Variants in CDH18 observed in about 807,000 individuals in gnomAD.
The protein encoded by CDH18 is cadherin 18.
Under a neutral mutation model 67.9 loss-of-function variants are expected in CDH18, and 31 were observed. That is an observed-to-expected ratio of 0.46 (90% confidence interval 0.34 to 0.62). The LOEUF is 0.62. Ranked by LOEUF, CDH18 falls within the 20% of genes least tolerant of loss-of-function variation. The pLI is 0.01. For missense variants in CDH18, 890 were observed against 975.5 expected (o/e 0.91, Z 1.17); for synonymous variants, 362 against 347.2 (o/e 1.04, Z -0.48).
At chr5:19,826,591 A>G (rs1054720520) in intron 3 of CDH18, among the ~76,000 whole-genome samples, 3 of 152,208 alleles carry the variant, frequency 2.0e-5, no homozygotes, top group African/African-American at 7.2e-5. Context: ...CTTAAAGAAA[A>G]GAAAAGAAGT....
At chr5:20,155,930 C>T (rs1262589034) in intron 2 of CDH18, among the ~76,000 whole-genome samples, 1 of 151,938 alleles carries the variant, frequency 6.6e-6, no homozygotes, top group African/African-American at 2.4e-5. Flanking sequence ...TCCATTGACA[C>T]ATATCTATTT....
intron 6 of CDH18, among the ~76,000 whole-genome samples, chr5:19,602,702 G>T (rs1747336164): frequency 6.6e-6 from 1 of 152,058 alleles, no homozygotes; most frequent in Admixed American, 6.6e-5. Flanking sequence ...GGTGGCTCAT[G>T]CCTGTAATCC....
intron 11 of CDH18, among the ~76,000 whole-genome samples, chr5:19,492,836 T>C (rs1417384521): frequency 6.6e-6 from 1 of 152,126 alleles, no homozygotes; most frequent in Non-Finnish European, 1.5e-5. Flanking sequence ...ATACGGAGGA[T>C]TTCTTGGCAC....
chr5:19,977,360 T>C (rs961583389), intron 2 of CDH18, among the ~76,000 whole-genome samples: 3 of 152,132 alleles, frequency 2.0e-5, no homozygotes, highest in African/African-American at 7.2e-5. Flanking sequence ...CTTTGGCTCA[T>C]TTGCACGTTT....
chr5:20,515,307 T>TAA (rs5866433), intron 1 of CDH18, among the ~76,000 whole-genome samples: 17 of 121,178 alleles, frequency 1.4e-4, no homozygotes, highest in East Asian at 4.5e-4. Context: ...AAGAGAGTAA[T>TAA]AAAAAAAAAA....
intron 2 of CDH18, among the ~76,000 whole-genome samples, chr5:20,093,470 T>C (rs1745621645): frequency 6.6e-6 from 1 of 152,236 alleles, no homozygotes; most frequent in South Asian, 2.1e-4. Context: ...GAAGTCACTT[T>C]AATAATAGTT....
intron 1 of CDH18, among the ~76,000 whole-genome samples, chr5:20,529,991 A>G (rs186351663): frequency 6.6e-6 from 1 of 152,126 alleles, no homozygotes; most frequent in African/African-American, 2.4e-5. Flanking sequence ...TAGAAAATCC[A>G]TTGACTCAGG....
At chr5:20,508,570 G>A (rs1263615613) in intron 1 of CDH18, among the ~76,000 whole-genome samples, 1 of 151,280 alleles carries the variant, frequency 6.6e-6, no homozygotes, top group Non-Finnish European at 1.5e-5. Context: ...TTTTAGGTGG[G>A]AAATATTTCA....
At chr5:20,266,571 A>ATTTTTTT (rs34718835) in intron 1 of CDH18, among the ~76,000 whole-genome samples, 70 of 59,176 alleles carry the variant, frequency 1.2e-3, no homozygotes, top group African/African-American at 2.0e-3. Flanking sequence ...GCCCGGCTGA[A>ATTTTTTT]TTTTTTTTTT....
intron 4 of CDH18, among the ~76,000 whole-genome samples, chr5:19,734,903 C>T (rs1768098280): frequency 6.6e-6 from 1 of 152,038 alleles, no homozygotes; most frequent in Admixed American, 6.6e-5. Context: ...AGTTATATTG[C>T]AATAACAAAC....
At chr5:20,325,754 T>C (rs1738511881) in intron 1 of CDH18, among the ~76,000 whole-genome samples, 1 of 152,206 alleles carries the variant, frequency 6.6e-6, no homozygotes, top group African/African-American at 2.4e-5. Context: ...AATCATCCTT[T>C]CCAATGGTTG....
intron 9 of CDH18, among the ~76,000 whole-genome samples, chr5:19,521,894 T>A (rs1746959789): frequency 6.6e-6 from 1 of 152,042 alleles, no homozygotes; most frequent in Admixed American, 6.6e-5. Context: ...AGGAAATATT[T>A]CAAAATTTTT....
intron 2 of CDH18, among the ~76,000 whole-genome samples, chr5:20,194,828 A>G (rs746135328): frequency 2.0e-5 from 3 of 151,968 alleles, no homozygotes; most frequent in Non-Finnish European, 4.4e-5. Flanking sequence ...TCTTCTCCTA[A>G]GAGACCAAAA....
intron 12 of CDH18, among the ~76,000 whole-genome samples, chr5:19,481,745 C>A (rs1393150290): frequency 6.6e-6 from 1 of 152,166 alleles, no homozygotes; most frequent in Non-Finnish European, 1.5e-5. Context: ...TTGTCTTCAA[C>A]CCCAGGAACA....
intron 2 of CDH18, among the ~76,000 whole-genome samples, chr5:19,867,326 T>C (rs1211927016): frequency 6.6e-6 from 1 of 152,090 alleles, no homozygotes; most frequent in Non-Finnish European, 1.5e-5. Flanking sequence ...GGAATATAAC[T>C]GACATAAAGT....
At chr5:20,387,620 G>A (rs1239138257) in intron 1 of CDH18, among the ~76,000 whole-genome samples, 1 of 151,996 alleles carries the variant, frequency 6.6e-6, no homozygotes, top group African/African-American at 2.4e-5. Flanking sequence ...TAGGAGTGGT[G>A]AGAGAGGGCA....
chr5:20,192,764 T>A (rs1489997514), intron 2 of CDH18, among the ~76,000 whole-genome samples: 1 of 152,168 alleles, frequency 6.6e-6, no homozygotes. Context: ...CCTTGTAGTA[T>A]AATTTGAGGT....
intron 5 of CDH18, among the ~76,000 whole-genome samples, chr5:19,649,127 A>G (rs1052155030): frequency 2.0e-5 from 3 of 152,174 alleles, no homozygotes; most frequent in Non-Finnish European, 4.4e-5. Flanking sequence ...CCATGTAATA[A>G]TAAAGATTAA....
At chr5:20,550,939 T>C (rs528702944) in intron 1 of CDH18, among the ~76,000 whole-genome samples, 17 of 151,908 alleles carry the variant, frequency 1.1e-4, no homozygotes, top group Non-Finnish European at 2.2e-4. Flanking sequence ...AAAGAGGAGG[T>C]GGGAGCAGTT....
Sources: allele counts gnomAD v4.1 joint callset (sites outside exome capture counted in the v4.1 genomes callset), GRCh38; gene constraint gnomAD v4.1.1; transcripts MANE v1.5; gene names NCBI Gene and HGNC (gene_info 2026-07-23, HGNC 2026-07-21).